RBM19: variants seen among roughly 807,000 people sequenced by gnomAD.
RBM19 encodes probable RNA-binding protein 19.
Under a neutral mutation model 116.8 loss-of-function variants are expected in RBM19, and 94 were observed. That is an observed-to-expected ratio of 0.80 (90% CI 0.68 to 0.95). RBM19 has a LOEUF of 0.95. Ranked by LOEUF, RBM19 falls within the 40% of genes least tolerant of loss-of-function variation. The probability of loss-of-function intolerance (pLI) is 0.00; values close to 1 mark genes in which losing one functional copy is unlikely to be tolerated. For synonymous variants in RBM19, 475 were observed against 494.1 expected, an observed-to-expected ratio of 0.96 and a Z score of 0.51; for missense variants, 1,161 against 1,220.7, an observed-to-expected ratio of 0.95 and a Z score of 0.73.
At chr12:113,891,837 C>T (rs900272497) in intron 21 of RBM19, among the ~76,000 whole-genome samples, 28 of 152,192 alleles carry the variant, frequency 1.8e-4, no homozygotes, top group African/African-American at 5.8e-4. Context: ...AATTGCCCCA[C>T]GAAGTGTAAT....
intron 22 of RBM19, among the ~76,000 whole-genome samples, chr12:113,849,820 T>C (rs1191840457): frequency 6.6e-6 from 1 of 152,220 alleles, no homozygotes; most frequent in South Asian, 2.1e-4. Context: ...TTATTCCTGG[T>C]CCCTCCTCCC....
At chr12:113,894,852 C>T (rs557795717) in intron 21 of RBM19, among the ~76,000 whole-genome samples, 14 of 152,320 alleles carry the variant, frequency 9.2e-5, no homozygotes, top group South Asian at 4.1e-4. Flanking sequence ...CCTTGTGCGA[C>T]GACACTAAGG....
intron 7 of RBM19, among the ~76,000 whole-genome samples, chr12:113,954,914 G>T (rs1871781301): frequency 6.6e-6 from 1 of 152,128 alleles, no homozygotes; most frequent in Non-Finnish European, 1.5e-5. Context: ...GTACTGGTGA[G>T]TGAAACCAGA....
intron 21 of RBM19, among the ~76,000 whole-genome samples, chr12:113,868,049 T>C (rs1443335591): frequency 6.6e-6 from 1 of 152,244 alleles, no homozygotes; most frequent in Non-Finnish European, 1.5e-5. Context: ...TCACACCCTT[T>C]ATTTAAGAGC....
chr12:113,854,440 T>C (rs1406177363), intron 22 of RBM19, among the ~76,000 whole-genome samples: 1 of 152,086 alleles, frequency 6.6e-6, no homozygotes, highest in Non-Finnish European at 1.5e-5. Context: ...GCTTGAGTCC[T>C]TGACTTCCTA....
chr12:113,925,912 G>C (rs1040109601), intron 17 of RBM19, among the ~76,000 whole-genome samples: 2 of 152,158 alleles, frequency 1.3e-5, no homozygotes, highest in African/African-American at 4.8e-5. Context: ...CTACCTTTTG[G>C]ATGCTACAAG....
In RBM19 at chr12:113,898,670, C is replaced by T. The variant is rs1306890800; in HGVS notation, c.2558+16299G>A. Among the ~76,000 whole-genome samples, 1 of 152,166 alleles carries T rather than the reference C, an allele frequency of 6.6e-6. No individual in the cohort carries two copies. Among genetic ancestry groups the T allele is most frequent in the African/African-American group, 2.4e-5 (1 of 41,436 alleles). The stretch of plus-strand genomic sequence containing the variant: ...ATCGTGCTGAACCAGCAAATGAAGC[C>T]TTCAATTTGGTATTCTCATCCTGCA... On this transcript the variant is annotated intron_variant, in intron 21 of 23. Transcript: ENST00000261741. The surrounding 1 kb of genome is among the most constrained non-coding windows in gnomAD (Gnocchi z 4.3).
intron 22 of RBM19, 90 bp from the exon 23 acceptor site, chr12:113,844,878 A>C: frequency 3.4e-6 from 5 of 1,473,994 alleles, no homozygotes; most frequent in Non-Finnish European, 4.5e-6. Flanking sequence ...CCTGCGTCTC[A>C]GATGCCAAAG....
chr12:113,959,771 C>A (rs1451691571), intron 4 of RBM19, 94 bp downstream of exon 4: 3 of 1,465,470 alleles, frequency 2.0e-6, no homozygotes, highest in Admixed American at 1.8e-5. Flanking sequence ...GTCTCCTAGC[C>A]TCCACCCTCT....
At chr12:113,961,130 C>T (rs1233583774) in intron 2 of RBM19, among the ~76,000 whole-genome samples, 1 of 152,202 alleles carries the variant, frequency 6.6e-6, no homozygotes, top group Non-Finnish European at 1.5e-5. Context: ...TCAAGTGATC[C>T]TCTTGTCTCA....
Position 113,822,515 on chromosome 12 carries a change from G to A in RBM19, c.*709C>T, listed in dbSNP as rs1874492412. 1 of 152,262 alleles carries A rather than the reference G, an allele frequency of 6.6e-6. No homozygotes were observed. Among genetic ancestry groups the A allele is most frequent in the African/African-American group, 2.4e-5 (1 of 41,446 alleles). The allele number at this position is 152,262 out of a possible 1,614,324, so 9.4% of individuals were successfully genotyped here. On this transcript the variant is annotated 3_prime_UTR_variant, in exon 24 of 24. Coordinates refer to ENST00000261741, the MANE Select transcript of RBM19 (RefSeq NM_016196.4). ...GGAGCTCGATGCTTCATGAGCCGCTGGGAGGCTTCCCTGGGTGACTGAACC... is the reference window on the plus strand; with the variant it reads ...GGAGCTCGATGCTTCATGAGCCGCTAGGAGGCTTCCCTGGGTGACTGAACC...
intron 17 of RBM19, 141 bp from the exon 18 acceptor site, chr12:113,924,898 TC>T (rs771195208): frequency 3.8e-5 from 26 of 692,384 alleles, no homozygotes; most frequent in Non-Finnish European, 1.3e-5. Flanking sequence ...AGTGATGACC[TC>T]CTTTAAGTAA....
intron 19 of RBM19, among the ~76,000 whole-genome samples, chr12:113,919,415 C>T (rs777804232): frequency 4.6e-5 from 7 of 152,108 alleles, no homozygotes; most frequent in Admixed American, 6.5e-5. Context: ...ACTAAAAATA[C>T]GAAAAATTAG....
At chr12:113,874,339 G>C (rs1879507070) in intron 21 of RBM19, among the ~76,000 whole-genome samples, 2 of 152,216 alleles carry the variant, frequency 1.3e-5, no homozygotes, top group Admixed American at 1.3e-4. Context: ...CCCCTCTCAT[G>C]ATCGGGCTCT....
rs752391871 is a variant in RBM19, at chr12:113,955,214, G to C, written c.841-3C>G. The C allele has an allele frequency of 3.7e-6, 6 of 1,613,884 alleles. No individual in the cohort carries two copies. The highest frequency in any genetic ancestry group is 5.1e-6 in the Non-Finnish European group (6 of 1,179,818). On this transcript the variant is annotated splice_region_variant and splice_polypyrimidine_tract_variant and intron_variant, in intron 6 of 23. Coordinates refer to ENST00000261741, the MANE Select transcript of RBM19 (RefSeq NM_016196.4). ...TTCTGGTTTGCTGGTTTCTCTGTCT[G>C]AGTGATCACAAAAACAAACAGAAGT...
At chr12:113,852,972 CGAG>C (rs1400123421) in intron 22 of RBM19, among the ~76,000 whole-genome samples, 2 of 152,214 alleles carry the variant, frequency 1.3e-5, no homozygotes, top group Non-Finnish European at 2.9e-5. Context: ...GGGCACCCGG[CGAG>C]GAGGAAGGCT....
rs1424422876 is a variant in RBM19, at chr12:113,903,659, TG to T, written c.2558+11309del. 2.0e-5 allele frequency among the ~76,000 whole-genome samples: 3 copies of T among 152,266 alleles called. No homozygotes were observed. Among genetic ancestry groups the T allele is most frequent in the Non-Finnish European group, 2.9e-5 (2 of 68,040 alleles). On this transcript the variant is annotated intron_variant, in intron 21 of 23. Coordinates refer to ENST00000261741, the MANE Select transcript of RBM19 (RefSeq NM_016196.4). The surrounding 1 kb of genome is among the most constrained non-coding windows in gnomAD (Gnocchi z 5.1). Reference sequence around the variant, plus strand: ...CCACTATTTTTTATTTTAGCCATCCTGACCGTTACATGTATATTCATTTGTT... The same window carrying T: ...CCACTATTTTTTATTTTAGCCATCCTACCGTTACATGTATATTCATTTGTT...
intron 21 of RBM19, among the ~76,000 whole-genome samples, chr12:113,863,117 T>C (rs1467850394): frequency 2.6e-5 from 4 of 151,928 alleles, no homozygotes; most frequent in Non-Finnish European, 5.9e-5. Flanking sequence ...AGGTGTTGCA[T>C]GAGGCAAGCC....
chr12:113,936,868 A>G, intron 16 of RBM19, 139 bp downstream of exon 16: 1 of 1,132,968 alleles, frequency 8.8e-7, no homozygotes, highest in South Asian at 1.7e-5. Context: ...AAAATCTGAG[A>G]GTCTGAGCCC....
Sources: allele counts gnomAD v4.1 joint callset (sites outside exome capture counted in the v4.1 genomes callset), GRCh38; gene constraint gnomAD v4.1.1; non-coding constraint Gnocchi (gnomAD v3.1); transcripts MANE v1.5; gene names NCBI Gene and HGNC (gene_info 2026-07-23, HGNC 2026-07-21).